Variants in NCKAP5 observed in about 807,000 individuals in gnomAD.
The protein encoded by NCKAP5 is NCK associated protein 5, also known as nck-associated protein 5.
Under a neutral mutation model 167.0 loss-of-function variants are expected in NCKAP5, and 92 were observed. The observed-to-expected ratio is 0.55, with a 90% CI of 0.47 to 0.66. The LOEUF is 0.66. Among genes scored for constraint, NCKAP5 ranks in the 30% least tolerant of loss-of-function variants. The pLI, the probability that NCKAP5 is intolerant of heterozygous loss-of-function variation, is 0.00. For missense variants in NCKAP5, 2,378 were observed against 2,315.0 expected, an observed-to-expected ratio of 1.03 and a Z score of -0.56; for synonymous variants, 891 against 877.4, an observed-to-expected ratio of 1.02 and a Z score of -0.27.
intron 8 of NCKAP5, among the ~76,000 whole-genome samples, chr2:132,962,472 T>G (rs949741284): frequency 9.9e-5 from 15 of 152,150 alleles, no homozygotes; most frequent in African/African-American, 3.4e-4. Context: ...CCATTCTGCT[T>G]TATTATCACC....
chr2:133,574,896 T>C, the NCKAP5 span, among the ~76,000 whole-genome samples: 1 of 152,256 alleles, frequency 6.6e-6, no homozygotes, highest in South Asian at 2.1e-4. Context: ...AAAGAACACC[T>C]GTCCAGGCAC....
intron 19 of NCKAP5, among the ~76,000 whole-genome samples, chr2:132,711,384 CA>C (rs1688834080): frequency 2.0e-5 from 3 of 152,138 alleles, no homozygotes; most frequent in Admixed American, 6.5e-5. Context: ...GGGCACCTTT[CA>C]AAAAGGCATG....
At chr2:132,994,390 G>A (rs2077531899) in intron 6 of NCKAP5, among the ~76,000 whole-genome samples, 151 bp from the exon 7 acceptor site, 1 of 152,076 alleles carries the variant, frequency 6.6e-6, no homozygotes, top group Admixed American at 6.5e-5. Flanking sequence ...TCAGTTATCT[G>A]TCATGAAGTC....
intron 2 of NCKAP5, among the ~76,000 whole-genome samples, chr2:133,544,668 C>T (rs1174036138): frequency 6.6e-6 from 1 of 152,176 alleles, no homozygotes; most frequent in African/African-American, 2.4e-5. Flanking sequence ...AGTGTGCATT[C>T]TTGTGCATGT....
intron 14 of NCKAP5, among the ~76,000 whole-genome samples, chr2:132,781,630 C>T (rs893505382): frequency 2.6e-5 from 4 of 152,180 alleles, no homozygotes; most frequent in African/African-American, 7.2e-5. Flanking sequence ...TTCCATTTCA[C>T]GCCATCTGGG....
At chr2:133,580,435 A>G in the NCKAP5 span, among the ~76,000 whole-genome samples, 3,810 of 152,278 alleles carry the variant, frequency 0.025, 57 homozygotes, top group African/African-American at 0.041. Flanking sequence ...AGAAGGGAAA[A>G]TAGCTATTTT....
intron 8 of NCKAP5, among the ~76,000 whole-genome samples, chr2:132,885,357 C>A (rs1358658834): frequency 6.6e-6 from 1 of 152,150 alleles, no homozygotes; most frequent in East Asian, 1.9e-4. Context: ...CAATACAGGT[C>A]TTTTTCTACT....
At chr2:132,989,532 G>T (rs771404044) in intron 7 of NCKAP5, among the ~76,000 whole-genome samples, 56 of 152,074 alleles carry the variant, frequency 3.7e-4, no homozygotes, top group Non-Finnish European at 6.2e-4. Flanking sequence ...TATCCTAGGG[G>T]CATATGTCAC....
chr2:133,516,174 T>C (rs778085602), intron 3 of NCKAP5, among the ~76,000 whole-genome samples: 29 of 152,174 alleles, frequency 1.9e-4, no homozygotes, highest in Non-Finnish European at 3.7e-4. Flanking sequence ...AAAAAGTGTT[T>C]TTCTTCTGCA....
the NCKAP5 span, among the ~76,000 whole-genome samples, chr2:133,674,636 A>C: frequency 6.6e-6 from 1 of 152,072 alleles, no homozygotes; most frequent in Non-Finnish European, 1.5e-5. Context: ...TCAACATTCA[A>C]GGAACAAAAA....
At chr2:133,200,286 A>G (rs2085631491) in intron 5 of NCKAP5, among the ~76,000 whole-genome samples, 1 of 152,012 alleles carries the variant, frequency 6.6e-6, no homozygotes, top group Non-Finnish European at 1.5e-5. Context: ...TAATAGATCA[A>G]TGTAATAGAA....
chr2:132,850,978 C>A (rs1689032721), intron 11 of NCKAP5, among the ~76,000 whole-genome samples: 1 of 151,990 alleles, frequency 6.6e-6, no homozygotes, highest in Non-Finnish European at 1.5e-5. Context: ...CAGTGAGACT[C>A]CTTGCAGGTG....
intron 3 of NCKAP5, among the ~76,000 whole-genome samples, chr2:133,514,605 T>C (rs1199725170): frequency 1.3e-5 from 2 of 152,174 alleles, no homozygotes; most frequent in Non-Finnish European, 2.9e-5. Context: ...TATGAGAATA[T>C]TTTCCTGTAA....
At chr2:133,549,128 A>C (rs879549642) in intron 2 of NCKAP5, among the ~76,000 whole-genome samples, 1,708 of 150,510 alleles carry the variant, frequency 0.011, 3 homozygotes, top group Non-Finnish European at 0.017. Context: ...AAAAGAGACA[A>C]AGAAGGCCAT....
intron 5 of NCKAP5, among the ~76,000 whole-genome samples, chr2:133,200,061 CTTTTTTTT>C (rs70973417): frequency 9.1e-6 from 1 of 109,394 alleles, no homozygotes; most frequent in African/African-American, 3.4e-5. Context: ...TTTTTTCTTT[CTTTTTTTT>C]TTTTTTTTTT....
chr2:133,192,658 C>T (rs147424175), intron 5 of NCKAP5, among the ~76,000 whole-genome samples: 1 of 150,900 alleles, frequency 6.6e-6, no homozygotes, highest in Non-Finnish European at 1.5e-5. Flanking sequence ...ATATTCAATG[C>T]CACTAACCAT....
chr2:132,880,045 A>T (rs1177431330), intron 8 of NCKAP5, among the ~76,000 whole-genome samples: 8 of 152,218 alleles, frequency 5.3e-5, no homozygotes, highest in African/African-American at 1.7e-4. Flanking sequence ...TAATCTATGC[A>T]CACAAAGACA....
chr2:133,043,703 C>T (rs1194403135), intron 6 of NCKAP5, among the ~76,000 whole-genome samples: 1 of 152,152 alleles, frequency 6.6e-6, no homozygotes, highest in Non-Finnish European at 1.5e-5. Flanking sequence ...TTAAGCTTCT[C>T]ACAGGATGCC....
At chr2:132,786,332 G>T (rs1438684725) in intron 13 of NCKAP5, among the ~76,000 whole-genome samples, 1 of 152,158 alleles carries the variant, frequency 6.6e-6, no homozygotes, top group Admixed American at 6.5e-5. Context: ...GGAAAAGTAA[G>T]TTGGTTGATA....
Sources: allele counts gnomAD v4.1 joint callset (sites outside exome capture counted in the v4.1 genomes callset), GRCh38; gene constraint gnomAD v4.1.1; transcripts MANE v1.5; gene names NCBI Gene and HGNC (gene_info 2026-07-23, HGNC 2026-07-21).